LHPP: variants seen among roughly 807,000 people sequenced by gnomAD.
LHPP encodes hLHPP.
A neutral mutation model predicts 30.3 loss-of-function variants in LHPP; 24 were observed. The observed-to-expected ratio is 0.79, with a 90% CI of 0.57 to 1.11. The LOEUF (loss-of-function observed/expected upper bound fraction) is 1.11. LHPP is among the 50% of genes most tolerant of loss of function. The probability of loss-of-function intolerance (pLI) is 0.00; values close to 1 mark genes in which losing one functional copy is unlikely to be tolerated. For missense variants in LHPP, 356 were observed against 367.2 expected, an observed-to-expected ratio of 0.97 and a Z score of 0.25; for synonymous variants, 150 against 157.1, an observed-to-expected ratio of 0.95 and a Z score of 0.34.
chr10:124,502,078 C>T (rs1953917830), intron 5 of LHPP, among the ~76,000 whole-genome samples: 1 of 151,984 alleles, frequency 6.6e-6, no homozygotes, highest in Non-Finnish European at 1.5e-5. Context: ...TAACTTGACA[C>T]TCACAAAAAG....
rs529704187 is a variant in LHPP at position 124,596,046 on chromosome 10, C to G, written c.717-17218C>G. Among the ~76,000 whole-genome samples the G allele has an allele frequency of 4.5e-4, 68 of 152,280 alleles. No individual in the cohort carries two copies. Among genetic ancestry groups the G allele is most frequent in the African/African-American group, 1.6e-3 (68 of 41,544 alleles). On this transcript the variant is annotated intron_variant, in intron 6 of 6. Coordinates refer to ENST00000368842, the MANE Select transcript of LHPP (RefSeq NM_022126.4). The surrounding 1 kb of genome is among the most constrained non-coding windows in gnomAD (Gnocchi z 4.6). ...GTGAATGGGCTCCTACCCATGAACA[C>G]CCACCGTTCATTTCATCCGTGTTGT...
intron 6 of LHPP, among the ~76,000 whole-genome samples, chr10:124,557,446 A>G (rs963271497): frequency 3.3e-5 from 5 of 152,102 alleles, no homozygotes; most frequent in South Asian, 2.1e-4. Context: ...TCCAAAGGGA[A>G]CTCGGGCGCA....
chr10:124,593,753 C>T lies in LHPP; in HGVS notation c.717-19511C>T, dbSNP rs911663797. On this transcript the variant is annotated intron_variant, in intron 6 of 6. Transcript: ENST00000368842. The surrounding 1 kb of genome is among the most constrained non-coding windows in gnomAD (Gnocchi z 4.9). ...CTCTGGGCAGTCTCCAGGTCATGCG[C>T]GTTTGACGCAGGAGGTTTTGCCGGC... 4.6e-5 allele frequency among the ~76,000 whole-genome samples: 7 copies of T among 152,238 alleles called. No individual in the cohort carries two copies. Among genetic ancestry groups the T allele is most frequent in the Non-Finnish European group, 7.3e-5 (5 of 68,038 alleles).
chr10:124,538,603 G>A (rs955746343), intron 6 of LHPP, among the ~76,000 whole-genome samples: 2 of 152,224 alleles, frequency 1.3e-5, no homozygotes, highest in African/African-American at 2.4e-5. Flanking sequence ...GCCCTGGGCC[G>A]TGCAGCTGCT....
chr10:124,470,600 G>C (rs1026867375), intron 1 of LHPP, among the ~76,000 whole-genome samples: 1 of 151,804 alleles, frequency 6.6e-6, no homozygotes, highest in African/African-American at 2.4e-5. Flanking sequence ...GGCTTCCCTG[G>C]TACCATCCAG....
At chr10:124,569,765 T>C (rs1948554935) in intron 6 of LHPP, among the ~76,000 whole-genome samples, 1 of 152,188 alleles carries the variant, frequency 6.6e-6, no homozygotes, top group South Asian at 2.1e-4. Context: ...GAGATGGGGT[T>C]GATGAGTGTC....
At chr10:124,545,684 G>A (rs1955319324) in intron 6 of LHPP, among the ~76,000 whole-genome samples, 1 of 152,186 alleles carries the variant, frequency 6.6e-6, no homozygotes, top group Admixed American at 6.5e-5. Context: ...GCGAATGTGA[G>A]TGTGTGTGCA....
chr10:124,559,914 G>A (rs1057089798), intron 6 of LHPP, among the ~76,000 whole-genome samples: 2 of 152,256 alleles, frequency 1.3e-5, no homozygotes, highest in Admixed American at 6.5e-5. Context: ...AGTGCTCCCT[G>A]CAATGGTGTT....
chr10:124,559,431 G>A (rs540554127), intron 6 of LHPP, among the ~76,000 whole-genome samples: 4 of 152,200 alleles, frequency 2.6e-5, no homozygotes, highest in East Asian at 1.9e-4. Context: ...CTACACCTAC[G>A]GACCTGCACT....
chr10:124,606,177 T>C (rs567797216), intron 6 of LHPP, among the ~76,000 whole-genome samples: 62 of 151,636 alleles, frequency 4.1e-4, no homozygotes, highest in African/African-American at 1.4e-3. Flanking sequence ...CCTGGGGAAA[T>C]CACTCACTGC....
chr10:124,550,077 G>T (rs928271643), intron 6 of LHPP, among the ~76,000 whole-genome samples: 11 of 152,364 alleles, frequency 7.2e-5, no homozygotes, highest in Non-Finnish European at 1.6e-4. Context: ...AGGGGTTAGA[G>T]AACTAAGGGC....
At chr10:124,498,468 TACA>T (rs1259149274) in intron 5 of LHPP, 1 of 1,475,838 alleles carries the variant, frequency 6.8e-7, no homozygotes. Context: ...ACAGCAAGAT[TACA>T]ACAATATGGA....
At chr10:124,506,692 G>A (rs568216937) in intron 5 of LHPP, among the ~76,000 whole-genome samples, 13 of 84,272 alleles carry the variant, frequency 1.5e-4, no homozygotes, top group East Asian at 5.2e-4. Flanking sequence ...GAAGATTTCA[G>A]GTTGGCGGGT....
chr10:124,466,215 A>G (rs1351283550), intron 1 of LHPP, among the ~76,000 whole-genome samples: 1 of 152,224 alleles, frequency 6.6e-6, no homozygotes, highest in South Asian at 2.1e-4. Context: ...TACCTTGTCT[A>G]TAGACATATT....
In LHPP at chr10:124,549,462, A is replaced by G. The variant is rs75407178; in HGVS notation, c.716+32191A>G. ...CAAAAAAAAAAAAAAGATTTGGCCAATGAATTTTATCAGCTAAACTGGGAT... is the reference window on the plus strand; with the variant it reads ...CAAAAAAAAAAAAAAGATTTGGCCAGTGAATTTTATCAGCTAAACTGGGAT... On this transcript the variant is annotated intron_variant, in intron 6 of 6. Coordinates refer to ENST00000368842, the MANE Select transcript of LHPP (RefSeq NM_022126.4). Among the ~76,000 whole-genome samples, 699 of 152,300 alleles carry G rather than the reference A, an allele frequency of 4.6e-3. 5 individuals carry two copies. Among genetic ancestry groups the G allele is most frequent in the African/African-American group, 0.016 (648 of 41,568 alleles).
At chr10:124,469,741 A>T (rs1224618138) in intron 1 of LHPP, among the ~76,000 whole-genome samples, 2 of 151,940 alleles carry the variant, frequency 1.3e-5, no homozygotes, top group Non-Finnish European at 1.5e-5. Context: ...GGCCCTGGGG[A>T]TGTGCAGCAG....
rs1954279691 is a variant in LHPP, at chr10:124,510,886, C to T, written c.625-6294C>T. On this transcript the variant is annotated intron_variant, in intron 5 of 6. Transcript: ENST00000368842. The surrounding 1 kb of genome is among the most constrained non-coding windows in gnomAD (Gnocchi z 4.0). Reference sequence around the variant, plus strand: ...AATACGGGGGCTCTGGCCGGCCCTGCTGCCAGATGCCAGCAGCCGTGGGGG... The same window carrying T: ...AATACGGGGGCTCTGGCCGGCCCTGTTGCCAGATGCCAGCAGCCGTGGGGG... 6.6e-6 allele frequency among the ~76,000 whole-genome samples: 1 copy of T among 152,174 alleles called. No individual in the cohort carries two copies. Among genetic ancestry groups the T allele is most frequent in the Non-Finnish European group, 1.5e-5 (1 of 68,026 alleles).
At chr10:124,462,320 G>A (rs1952428225) in intron 1 of LHPP, among the ~76,000 whole-genome samples, 3 of 152,196 alleles carry the variant, frequency 2.0e-5, no homozygotes. Flanking sequence ...TTAGCCGGGC[G>A]CGGTGGCTCG....
chr10:124,550,697 G>A (rs1342245755), intron 6 of LHPP, among the ~76,000 whole-genome samples: 19 of 152,226 alleles, frequency 1.2e-4, no homozygotes, highest in Non-Finnish European at 2.8e-4. Context: ...CTGATCGTGG[G>A]GAAGATAGAC....
Sources: gnomAD v4.1 joint callset for allele counts (sites outside exome capture counted in the v4.1 genomes callset) on GRCh38, gnomAD v4.1.1 for gene constraint, Gnocchi (gnomAD v3.1) non-coding constraint, MANE v1.5 for transcripts, NCBI Gene and HGNC (gene_info 2026-07-23, HGNC 2026-07-21) for gene names.